ZSCAN12: variants seen among roughly 807,000 people sequenced by gnomAD.
ZSCAN12 encodes the protein zinc finger and SCAN domain-containing protein 12.
In ZSCAN12, 18 loss-of-function variants were observed where a neutral mutation model predicts 23.4. That is an observed-to-expected ratio of 0.77 (90% confidence interval 0.53 to 1.14). The LOEUF (loss-of-function observed/expected upper bound fraction) is 1.14, where lower values mean the gene tolerates loss of function less well. Ranked by LOEUF, ZSCAN12 falls within the 50% of genes most tolerant of loss-of-function variation. The pLI, the probability that ZSCAN12 is intolerant of heterozygous loss-of-function variation, is 0.00. For synonymous variants in ZSCAN12, 186 were observed against 253.4 expected (o/e 0.73, Z 2.53); for missense variants, 650 against 735.0 (o/e 0.88, Z 1.34).
downstream of ZSCAN12, chr6:28,380,127 C>T (rs962292630): frequency 2.0e-5 from 3 of 152,214 alleles, no homozygotes; most frequent in Non-Finnish European, 2.9e-5. Context: ...ACTACCCATT[C>T]CCCATACAAC....
At chr6:28,398,924 C>T (rs1253388740) in intron 1 of ZSCAN12, among the ~76,000 whole-genome samples, 2 of 76,236 alleles carry the variant, frequency 2.6e-5, no homozygotes, top group African/African-American at 7.2e-5. Context: ...CAGAGCGAGA[C>T]TCCGTCTCAA....
At chr6:28,383,883 C>A (rs1426338433), downstream of ZSCAN12, among the ~76,000 whole-genome samples, 1 of 152,194 alleles carries the variant, frequency 6.6e-6, no homozygotes, top group Non-Finnish European at 1.5e-5. Flanking sequence ...TGACCTGGGT[C>A]ACTGGCATCT....
Position 28,389,486 on chromosome 6 carries a change from C to G in ZSCAN12, c.*968G>C, listed in dbSNP as rs540579944. Reference sequence around the variant, plus strand: ...CGCAGACAGCCATGAAGTCAGCTGTCATTCAACTCAACGCTTCTCAAATTT... The same window carrying G: ...CGCAGACAGCCATGAAGTCAGCTGTGATTCAACTCAACGCTTCTCAAATTT... On this transcript the variant is annotated 3_prime_UTR_variant, in exon 4 of 4. Coordinates refer to ENST00000684592, the MANE Select transcript of ZSCAN12 (RefSeq NM_001163391.2). Among the ~76,000 whole-genome samples the G allele has an allele frequency of 9.2e-5, 14 of 152,280 alleles. No individual in the cohort carries two copies. Among genetic ancestry groups the G allele is most frequent in the African/African-American group, 1.9e-4 (8 of 41,576 alleles).
At position 28,386,653 on chromosome 6, in the gene ZSCAN12, A is replaced by G. The variant is rs938135595; in HGVS notation, c.*3801T>C. ...GGCCTTCAATTTGCCTATATTGCCA[A>G]TTTAGCTCCAATTAGTAGCCTTATT... On this transcript the variant is annotated 3_prime_UTR_variant, in exon 4 of 4. Transcript: ENST00000684592. 6.6e-6 allele frequency among the ~76,000 whole-genome samples: 1 copy of G among 152,170 alleles called. No homozygotes were observed. The highest frequency in any genetic ancestry group is 1.5e-5 in the Non-Finnish European group (1 of 68,032).
intron 3 of ZSCAN12, 68 bp downstream of exon 3, chr6:28,392,833 AC>A: frequency 6.6e-6 from 10 of 1,507,228 alleles, no homozygotes; most frequent in Non-Finnish European, 8.0e-6. Flanking sequence ...AGTAGCAAGT[AC>A]AAAAAAGCCC....
At position 28,391,474 on chromosome 6, in the gene ZSCAN12, T is replaced by A; in HGVS notation, c.816A>T (p.Glu272Asp). ...TEHQRICPGE[E>D]SYGCDDCGKA... ...TTCCACAGTCATCACATCCGTAAGA[T>A]TCTTCTCCTGGACAGATTCTCTGAT... Residue 272 changes from glutamate to aspartate, a missense_variant, in exon 4 of 4, where the codon GAA becomes GAT. Coordinates refer to ENST00000684592, the MANE Select transcript of ZSCAN12 (RefSeq NM_001163391.2). This position sits in a 1 kb window ranked among gnomAD's most constrained non-coding sequence, Gnocchi z 4.1. 1 of 1,551,922 alleles carries A rather than the reference T, an allele frequency of 6.4e-7. No individual in the cohort carries two copies. The highest frequency in any genetic ancestry group is 2.4e-5 in the East Asian group (1 of 40,920).
rs1196229278 is a variant in ZSCAN12, at chr6:28,390,996, G to A, written c.1294C>T (p.His432Tyr). ...AFVYNSSLVS[H>Y]QEIHHKEKCY... ...TTTTCTTTGTGGTGGATTTCCTGATGGGAAACAAGGGATGAGTTATAAACA... is the reference window on the plus strand; with the variant it reads ...TTTTCTTTGTGGTGGATTTCCTGATAGGAAACAAGGGATGAGTTATAAACA... Residue 432 changes from histidine (H) to tyrosine (Y), a missense_variant, in exon 4 of 4, where the codon CAT becomes TAT. By Grantham distance (83) the His-to-Tyr change is moderately conservative (BLOSUM62 2). Transcript: ENST00000684592. The A allele has an allele frequency of 6.4e-7, 1 of 1,556,140 alleles. No homozygotes were observed. Among genetic ancestry groups the A allele is most frequent in the African/African-American group, 1.4e-5 (1 of 73,386 alleles).
intron 2 of ZSCAN12, among the ~76,000 whole-genome samples, chr6:28,397,217 C>T (rs1390481908): frequency 6.6e-6 from 1 of 152,080 alleles, no homozygotes; most frequent in Non-Finnish European, 1.5e-5. Context: ...GTTATAACAA[C>T]CAAAAATGTC....
rs1179502807 is a variant in ZSCAN12 at position 28,389,149 on chromosome 6, G to A, written c.*1305C>T. Among the ~76,000 whole-genome samples the A allele has an allele frequency of 2.0e-5, 3 of 152,198 alleles. No individual in the cohort carries two copies. The highest frequency in any genetic ancestry group is 1.3e-4 in the Admixed American group (2 of 15,286). Reference sequence around the variant, plus strand: ...GGAATTCAGAACATAGTGCTAACATGAGATCTGAGAAATAAAAGAAGGTAA... The same window carrying A: ...GGAATTCAGAACATAGTGCTAACATAAGATCTGAGAAATAAAAGAAGGTAA... On this transcript the variant is annotated 3_prime_UTR_variant, in exon 4 of 4. Coordinates refer to ENST00000684592, the MANE Select transcript of ZSCAN12 (RefSeq NM_001163391.2).
In ZSCAN12 at chr6:28,391,850, A is replaced by T. The variant is rs1179533878; in HGVS notation, c.548-108T>A. ...AAAAAATGCAAGAGTCTACCATCTT[A>T]GTGATAAAGAGAGCAAAATATATTT... On this transcript the variant is annotated intron_variant, in intron 3 of 3. Coordinates refer to ENST00000684592, the MANE Select transcript of ZSCAN12 (RefSeq NM_001163391.2). This position sits in a 1 kb window ranked among gnomAD's most constrained non-coding sequence, Gnocchi z 4.1. 8 of 928,182 alleles carry T rather than the reference A, an allele frequency of 8.6e-6. No individual in the cohort carries two copies. Among genetic ancestry groups the T allele is most frequent in the Non-Finnish European group, 1.5e-6 (1 of 648,978 alleles). 57.5% of individuals were successfully genotyped at this position (928,182 alleles called of 1,614,324 possible). A position where few individuals can be genotyped will look rare whatever the true frequency, so the allele number is the denominator to read the frequency against.
Position 28,391,278 on chromosome 6 carries a change from C to G in ZSCAN12, c.1012G>C (p.Ala338Pro). The G allele has an allele frequency of 6.4e-7, 1 of 1,551,992 alleles. No homozygotes were observed. Among genetic ancestry groups the G allele is most frequent in the Non-Finnish European group, 8.7e-7 (1 of 1,147,084 alleles). The change falls in exon 4 of 4, where the codon GCC (alanine) becomes CCC (proline). Residue 338 changes from alanine (A) to proline (P), a missense_variant. Ala to Pro is a conservative substitution (Grantham distance 27). Transcript: ENST00000684592. This position sits in a 1 kb window ranked among gnomAD's most constrained non-coding sequence, Gnocchi z 4.1. ...TTAAGAGCTGACCACCGGCCAAAGG[C>G]TTTGCCACATTCATTACACTTATAC... ...KPYKCNECGKAFGRWSALNQH... is the reference protein window; with the variant it reads ...KPYKCNECGKPFGRWSALNQH...
Position 28,387,833 on chromosome 6 carries a change from T to A in ZSCAN12, c.*2621A>T, listed in dbSNP as rs1202058581. ...TCTGTGGTCATAGGTCACCTCTTCA[T>A]CCCAACTCTGTCCTCTTCCCTTTGC... On this transcript the variant is annotated 3_prime_UTR_variant, in exon 4 of 4. Coordinates refer to ENST00000684592, the MANE Select transcript of ZSCAN12 (RefSeq NM_001163391.2). Among the ~76,000 whole-genome samples, 6 of 152,298 alleles carry A rather than the reference T, an allele frequency of 3.9e-5. No individual in the cohort carries two copies. The highest frequency in any genetic ancestry group is 1.4e-4 in the African/African-American group (6 of 41,574).
chr6:28,392,825 T>C (rs974066892), intron 3 of ZSCAN12, 77 bp downstream of exon 3: 1 of 1,472,592 alleles, frequency 6.8e-7, no homozygotes, highest in African/African-American at 1.4e-5. Context: ...TCAGAAACAG[T>C]AGCAAGTACA....
At chr6:28,380,619 G>A (rs969151088), downstream of ZSCAN12, 1 of 153,680 alleles carries the variant, frequency 6.5e-6, no homozygotes, top group African/African-American at 2.4e-5. Flanking sequence ...GTTCTTCTAG[G>A]GGGAAAAGAG....
At position 28,391,932 on chromosome 6, in the gene ZSCAN12, T is replaced by G. The variant is rs2232427; in HGVS notation, c.548-190A>C. On this transcript the variant is annotated intron_variant, in intron 3 of 3. Coordinates refer to ENST00000684592, the MANE Select transcript of ZSCAN12 (RefSeq NM_001163391.2). The surrounding 1 kb of genome is among the most constrained non-coding windows in gnomAD (Gnocchi z 4.1). ...AATATCTGGAAGGACACACGAAAAA[T>G]TAGTAACAGTTACAACCTATTTCAG... Among the ~76,000 whole-genome samples, 43,252 of 151,852 alleles carry G rather than the reference T, an allele frequency of 0.28. 6,749 individuals carry two copies. Among genetic ancestry groups the G allele is most frequent in the African/African-American group, 0.42 (17,236 of 41,358 alleles).
At position 28,390,898 on chromosome 6, in the gene ZSCAN12, A is replaced by C; in HGVS notation, c.1392T>G (p.Thr464=). Residue 464 remains threonine, a synonymous_variant, in exon 4 of 4, where the codon ACT becomes ACG. Coordinates refer to ENST00000684592, the MANE Select transcript of ZSCAN12 (RefSeq NM_001163391.2). ...SGLIQHQRIH[T]GEKPYKCDVC... ...CGTCACATTTGTAGGGTTTTTCCCC[A>C]GTGTGAATTCTCTGATGCTGAATAA... is the stretch of plus-strand genomic sequence containing the variant. 1 of 1,570,042 alleles carries C rather than the reference A, an allele frequency of 6.4e-7. No homozygotes were observed. The highest frequency in any genetic ancestry group is 1.2e-5 in the South Asian group (1 of 85,680).
Position 28,390,471 on chromosome 6 carries a change from T to C in ZSCAN12, c.1819A>G (p.Lys607Glu). Residue 607 changes from lysine to glutamate, a missense_variant, in exon 4 of 4, where the codon AAA becomes GAA. Lys to Glu is a moderately conservative substitution (Grantham distance 56). Coordinates refer to ENST00000684592, the MANE Select transcript of ZSCAN12 (RefSeq NM_001163391.2). The part of the protein sequence containing the change: ...TQHQTIHKGE[K>E]SVSV Reference sequence around the variant, plus strand: ...TGTAGTCATCACACAGAAACAGATTTTTCTCCTTTGTGGATAGTCTGATGT... The same window carrying C: ...TGTAGTCATCACACAGAAACAGATTCTTCTCCTTTGTGGATAGTCTGATGT... The C allele has an allele frequency of 6.5e-7, 1 of 1,542,626 alleles. No homozygotes were observed. The highest frequency in any genetic ancestry group is 8.8e-7 in the Non-Finnish European group (1 of 1,142,694).
chr6:28,392,444 G>A (rs1460540239), intron 3 of ZSCAN12, among the ~76,000 whole-genome samples: 5 of 152,046 alleles, frequency 3.3e-5, no homozygotes, highest in African/African-American at 1.2e-4. Flanking sequence ...CCAAAGTGTT[G>A]GGATTATAGG....
chr6:28,390,602 C>T lies in ZSCAN12; in HGVS notation c.1688G>A (p.Arg563Lys). The T allele has an allele frequency of 6.2e-7, 1 of 1,609,202 alleles. No homozygotes were observed. The highest frequency in any genetic ancestry group is 1.1e-5 in the South Asian group (1 of 90,310). ...YQCDECGKAFRQRSDLSKHQR... is the reference protein window; with the variant it reads ...YQCDECGKAFKQRSDLSKHQR... The stretch of plus-strand genomic sequence containing the variant: ...GTGTTTACTAAGATCTGACCTCTGT[C>T]TGAAGGCTTTTCCACACTCATCACA... The change falls in exon 4 of 4, where the codon AGA (arginine) becomes AAA (lysine). Residue 563 changes from arginine to lysine, a missense_variant. By Grantham distance (26) the Arg-to-Lys change is conservative (BLOSUM62 2). Transcript: ENST00000684592.
Sources: allele counts gnomAD v4.1 joint callset (sites outside exome capture counted in the v4.1 genomes callset), GRCh38; gene constraint gnomAD v4.1.1; non-coding constraint Gnocchi (gnomAD v3.1); transcripts MANE v1.5; gene names NCBI Gene and HGNC (gene_info 2026-07-23, HGNC 2026-07-21).